NR3C1: variants seen among roughly 807,000 people sequenced by gnomAD.
NR3C1 encodes the protein glucocorticoid receptor.
In NR3C1, 14 loss-of-function variants were observed where a neutral mutation model predicts 74.0. That is an observed-to-expected ratio of 0.19 (90% CI 0.12 to 0.30). The LOEUF is 0.30. Ranked by LOEUF, NR3C1 falls within the 10% of genes least tolerant of loss-of-function variation. NR3C1 has a pLI of 1.00. For synonymous variants in NR3C1, 308 were observed against 332.5 expected (o/e 0.93, Z 0.80); for missense variants, 695 against 909.8 (o/e 0.76, Z 3.04).
intron 2 of NR3C1, among the ~76,000 whole-genome samples, chr5:143,382,028 GATTA>G (rs1296931344): frequency 2.0e-5 from 3 of 152,094 alleles, no homozygotes; most frequent in African/African-American, 7.2e-5. Context: ...TCTGAGAAGG[GATTA>G]ATAACTAGAA....
In NR3C1 at chr5:143,282,672, A is replaced by G; in HGVS notation, c.2077T>C (p.Tyr693His). 1 of 1,613,888 alleles carries G rather than the reference A, an allele frequency of 6.2e-7. No homozygotes were observed. The part of the protein sequence containing the change: ...QELFDEIRMT[Y>H]IKELGKAIVK... ...ATGGCTTTTCCTAGCTCTTTGATGT[A>G]GGTCATTCTAATTTCATCAAATAGC... The change falls in exon 8 of 9, where the codon TAC becomes CAC. Residue 693 changes from tyrosine (Y) to histidine (H), a missense_variant. Tyr to His is a moderately conservative substitution (Grantham distance 83, BLOSUM62 2). Around this residue, in one of 4 missense-constraint regions of NR3C1, gnomAD observed 133 missense variants for 287.9 expected, o/e 0.46. Transcript: ENST00000394464.
At chr5:143,402,646 C>G (rs2151946435) in intron 1 of NR3C1, 1 of 985,568 alleles carries the variant, frequency 1.0e-6, no homozygotes, top group East Asian at 1.1e-4. Flanking sequence ...ACAGATAACG[C>G]CGGCCCCGGC....
intron 1 of NR3C1, chr5:143,402,920 G>A (rs1377871411): frequency 1.2e-6 from 1 of 866,496 alleles, no homozygotes; most frequent in Non-Finnish European, 1.4e-6. Context: ...CGAGGAATGA[G>A]AGGCTCGAAG....
At chr5:143,329,256 T>C (rs555342346) in intron 2 of NR3C1, among the ~76,000 whole-genome samples, 1 of 152,230 alleles carries the variant, frequency 6.6e-6, no homozygotes, top group South Asian at 2.1e-4. Flanking sequence ...ATTTAAACCA[T>C]CAGATGTTTT....
chr5:143,308,026 G>A (rs1474294655), intron 4 of NR3C1, among the ~76,000 whole-genome samples: 1 of 152,158 alleles, frequency 6.6e-6, no homozygotes, highest in Non-Finnish European at 1.5e-5. Context: ...TAAATAGCCT[G>A]GTCAAACGTA....
intron 2 of NR3C1, among the ~76,000 whole-genome samples, chr5:143,333,472 T>G (rs1473604452): frequency 6.6e-6 from 1 of 151,952 alleles, no homozygotes; most frequent in East Asian, 1.9e-4. Context: ...GTCGAGTAAC[T>G]AAAAACTGTA....
At chr5:143,389,225 C>T (rs1030855331) in intron 2 of NR3C1, among the ~76,000 whole-genome samples, 1 of 152,140 alleles carries the variant, frequency 6.6e-6, no homozygotes, top group Non-Finnish European at 1.5e-5. Context: ...TATTCATCTT[C>T]TTCATCTCCA....
exon 1 of NR3C1, chr5:143,434,829 T>A: frequency 4.1e-6 from 4 of 985,442 alleles, no homozygotes; most frequent in Non-Finnish European, 4.8e-6. Flanking sequence ...ATGACGCAGA[T>A]TCCTTTTTTC....
chr5:143,405,508 C>T (rs1018756998), upstream of NR3C1, among the ~76,000 whole-genome samples: 2 of 152,158 alleles, frequency 1.3e-5, no homozygotes, highest in East Asian at 1.9e-4. Flanking sequence ...CCTAAGCCGT[C>T]CTTCCTTGGT....
intron 2 of NR3C1, among the ~76,000 whole-genome samples, chr5:143,338,785 A>G (rs1827661357): frequency 6.6e-6 from 1 of 152,236 alleles, no homozygotes; most frequent in African/African-American, 2.4e-5. Context: ...GCCTAAGTCT[A>G]CAGAGTTTAC....
intron 1 of NR3C1, among the ~76,000 whole-genome samples, chr5:143,427,148 G>A (rs932606553): frequency 1.3e-5 from 2 of 152,046 alleles, no homozygotes; most frequent in Non-Finnish European, 2.9e-5. Context: ...TGCACTATAA[G>A]TAAGAAATAG....
chr5:143,372,365 A>C (rs1222974597), intron 2 of NR3C1, among the ~76,000 whole-genome samples: 1 of 152,194 alleles, frequency 6.6e-6, no homozygotes, highest in Non-Finnish European at 1.5e-5. Context: ...ATACTAGAAG[A>C]GTCAATCTGA....
At chr5:143,295,384 GTA>G in intron 7 of NR3C1, 74 bp downstream of exon 7, 1 of 1,580,292 alleles carries the variant, frequency 6.3e-7, no homozygotes. Context: ...TTAGTACTAT[GTA>G]TATAAATTAA....
intron 8 of NR3C1, among the ~76,000 whole-genome samples, chr5:143,282,276 G>C (rs1813268223): frequency 6.6e-6 from 1 of 151,694 alleles, no homozygotes; most frequent in African/African-American, 2.4e-5. Flanking sequence ...ATATATGAAG[G>C]GTGCATTATT....
intron 2 of NR3C1, among the ~76,000 whole-genome samples, chr5:143,329,669 C>T (rs1825518732): frequency 6.6e-6 from 1 of 152,012 alleles, no homozygotes; most frequent in African/African-American, 2.4e-5. Flanking sequence ...TGTTAGAACT[C>T]CTCTATTTCA....
chr5:143,339,196 A>C (rs576269895), intron 2 of NR3C1, among the ~76,000 whole-genome samples: 1 of 152,190 alleles, frequency 6.6e-6, no homozygotes, highest in Non-Finnish European at 1.5e-5. Flanking sequence ...ACATGACTGC[A>C]TATTTGTTTT....
At chr5:143,404,322 C>T (rs1450598315), upstream of NR3C1, 1 of 985,604 alleles carries the variant, frequency 1.0e-6, no homozygotes, top group African/African-American at 1.7e-5. Flanking sequence ...CTGACACGCC[C>T]TCTGGGGAGG....
chr5:143,400,273 G>C lies in NR3C1; in HGVS notation c.567C>G (p.Ser189Arg). ...CCAAATCCTGCAAAATGTCAAAGGT[G>C]CTTTGGTCTGTGGTATACAATTTCA... is the stretch of plus-strand genomic sequence containing the variant. ...GNVKLYTTDQ[S>R]TFDILQDLEF... Residue 189 changes from serine to arginine, a missense_variant, in exon 2 of 9, where the codon AGC (serine) becomes AGG (arginine). Coordinates refer to ENST00000394464, the MANE Select transcript of NR3C1 (RefSeq NM_000176.3). 1 of 1,600,392 alleles carries C rather than the reference G, an allele frequency of 6.2e-7. No individual in the cohort carries two copies. Among genetic ancestry groups the C allele is most frequent in the Non-Finnish European group, 8.5e-7 (1 of 1,174,200 alleles).
chr5:143,337,008 T>A (rs958704663), intron 2 of NR3C1, among the ~76,000 whole-genome samples: 1 of 151,938 alleles, frequency 6.6e-6, no homozygotes, highest in Non-Finnish European at 1.5e-5. Flanking sequence ...TACATATATA[T>A]ATATACACAC....
Sources: gnomAD v4.1 joint callset for allele counts (sites outside exome capture counted in the v4.1 genomes callset) on GRCh38, gnomAD v4.1.1 for gene constraint, gnomAD v4.1.1 regional missense constraint, MANE v1.5 for transcripts, NCBI Gene and HGNC (gene_info 2026-07-23, HGNC 2026-07-21) for gene names.